The following DYM variants were observed in gnomAD, a reference collection of about 807,000 sequenced individuals.
DYM encodes the protein dymeclin.
A neutral mutation model predicts 93.1 loss-of-function variants in DYM; 78 were observed. The observed-to-expected ratio is 0.84, with a 90% CI of 0.70 to 1.01. The LOEUF is 1.01. DYM is among the 50% of genes least tolerant of loss of function. DYM has a pLI of 0.00. For synonymous variants in DYM, 321 were observed against 319.7 expected, an observed-to-expected ratio of 1.00 and a Z score of -0.04; for missense variants, 789 against 845.0, an observed-to-expected ratio of 0.93 and a Z score of 0.82.
chr18:49,084,998 T>C (rs1485841033), intron 17 of DYM, among the ~76,000 whole-genome samples: 1 of 152,258 alleles, frequency 6.6e-6, no homozygotes, highest in African/African-American at 2.4e-5. Flanking sequence ...ATTATATGGA[T>C]ACTCACTTTC....
At chr18:49,108,025 A>AG (rs1439362986) in intron 16 of DYM, among the ~76,000 whole-genome samples, 1 of 152,266 alleles carries the variant, frequency 6.6e-6, no homozygotes, top group Non-Finnish European at 1.5e-5. Flanking sequence ...AGAGGCAGGC[A>AG]GGCCTCCTTG....
At chr18:49,183,530 T>A (rs1273871859) in intron 14 of DYM, among the ~76,000 whole-genome samples, 1 of 152,146 alleles carries the variant, frequency 6.6e-6, no homozygotes, top group African/African-American at 2.4e-5. Context: ...GATTCACCCT[T>A]CAAAATGTAG....
At chr18:49,274,872 T>C (rs181367942) in intron 10 of DYM, among the ~76,000 whole-genome samples, 13 of 152,272 alleles carry the variant, frequency 8.5e-5, no homozygotes, top group African/African-American at 1.9e-4. Context: ...TTACATACTA[T>C]AGATACAGTT....
At chr18:49,309,127 G>A (rs1431709382) in intron 8 of DYM, among the ~76,000 whole-genome samples, 3 of 152,148 alleles carry the variant, frequency 2.0e-5, no homozygotes, top group Non-Finnish European at 4.4e-5. Context: ...TTCAAATCCA[G>A]TATAATTTAA....
At chr18:49,350,801 G>A (rs1377225394) in intron 6 of DYM, among the ~76,000 whole-genome samples, 1 of 150,806 alleles carries the variant, frequency 6.6e-6, no homozygotes, top group Non-Finnish European at 1.5e-5. Flanking sequence ...AGATTAGACA[G>A]TAAGGGTCCA....
intron 8 of DYM, among the ~76,000 whole-genome samples, chr18:49,288,846 A>G (rs1307066394): frequency 2.0e-5 from 3 of 152,172 alleles, no homozygotes; most frequent in African/African-American, 7.2e-5. Context: ...TCTAAAATTC[A>G]GTATAATAAC....
rs1170880185 is a variant in DYM at position 49,213,308 on chromosome 18, T to G, written c.1461-3593A>C. 5.9e-5 allele frequency among the ~76,000 whole-genome samples: 9 copies of G among 151,960 alleles called. No homozygotes were observed. In the South Asian group the frequency reaches 1.7e-3, roughly 28 times the overall value. Reference sequence around the variant, plus strand: ...GAACTTTTTCTAACTTTTTTTTTTTTTTTTTGGAGATGGAGTTTTGCCCTG... The same window carrying G: ...GAACTTTTTCTAACTTTTTTTTTTTGTTTTTGGAGATGGAGTTTTGCCCTG... On this transcript the variant is annotated intron_variant, in intron 13 of 17. Transcript: ENST00000675505.
chr18:49,303,538 GT>G (rs1341596054), intron 8 of DYM, among the ~76,000 whole-genome samples: 1 of 152,286 alleles, frequency 6.6e-6, no homozygotes, highest in East Asian at 1.9e-4. Context: ...AGGCATTTCA[GT>G]GTATGGAATG....
chr18:49,251,219 G>A (rs2094280092), intron 13 of DYM, among the ~76,000 whole-genome samples: 1 of 152,224 alleles, frequency 6.6e-6, no homozygotes, highest in African/African-American at 2.4e-5. Flanking sequence ...TGCTTTTCCA[G>A]TGAATACAGC....
intron 15 of DYM, among the ~76,000 whole-genome samples, chr18:49,153,920 A>G (rs2086098140): frequency 6.6e-6 from 1 of 152,212 alleles, no homozygotes; most frequent in Non-Finnish European, 1.5e-5. Flanking sequence ...AAAGAGAAAA[A>G]TAACAAATTT....
At chr18:49,308,787 A>C (rs1429658853) in intron 8 of DYM, among the ~76,000 whole-genome samples, 14 of 152,128 alleles carry the variant, frequency 9.2e-5, no homozygotes, top group Non-Finnish European at 1.6e-4. Flanking sequence ...TGGCAGATGC[A>C]ACTATGGGTC....
At chr18:49,264,192 C>T (rs1004510036) in intron 11 of DYM, among the ~76,000 whole-genome samples, 1 of 151,156 alleles carries the variant, frequency 6.6e-6, no homozygotes, top group Non-Finnish European at 1.5e-5. Flanking sequence ...ACGTAATCTG[C>T]TCTCCCATTA....
At chr18:49,260,436 T>C (rs1326062694) in intron 11 of DYM, among the ~76,000 whole-genome samples, 32 of 152,086 alleles carry the variant, frequency 2.1e-4, no homozygotes, top group Non-Finnish European at 1.2e-4. Context: ...ACAGAAACTA[T>C]AAGAGAAAAG....
At chr18:49,231,067 A>C (rs1024008432) in intron 13 of DYM, among the ~76,000 whole-genome samples, 1 of 152,234 alleles carries the variant, frequency 6.6e-6, no homozygotes, top group African/African-American at 2.4e-5. Flanking sequence ...AGATAGATAT[A>C]TTAGCTTAGA....
At chr18:49,176,950 C>G (rs943165903) in intron 14 of DYM, among the ~76,000 whole-genome samples, 12 of 151,930 alleles carry the variant, frequency 7.9e-5, no homozygotes, top group African/African-American at 2.9e-4. Context: ...GGTATTTTCT[C>G]TATTAGAAAA....
chr18:49,238,594 TA>T (rs1446114955), intron 13 of DYM, among the ~76,000 whole-genome samples: 1 of 151,900 alleles, frequency 6.6e-6, no homozygotes, highest in Non-Finnish European at 1.5e-5. Flanking sequence ...AATGTTTGCT[TA>T]AAAAAATGAG....
At chr18:49,287,412 A>G (rs951023176) in intron 8 of DYM, among the ~76,000 whole-genome samples, 2 of 151,570 alleles carry the variant, frequency 1.3e-5, no homozygotes, top group African/African-American at 4.8e-5. Context: ...AAGGGAAGGA[A>G]ACCTCTAGCC....
At chr18:49,178,730 T>C (rs112642385) in intron 14 of DYM, among the ~76,000 whole-genome samples, 15 of 152,240 alleles carry the variant, frequency 9.9e-5, no homozygotes, top group African/African-American at 3.4e-4. Flanking sequence ...GGATTAAATG[T>C]ACTTTTGGAA....
chr18:49,038,232 A>G lies in DYM; in HGVS notation c.*5823T>C, dbSNP rs1477493249. ...TACATCCGTTTGGTTTGCTCATTTC[A>G]TTGCTTAAATCTTTTATAACTTGAT... On this transcript the variant is annotated 3_prime_UTR_variant, in exon 18 of 18. Coordinates refer to ENST00000675505, the MANE Select transcript of DYM (RefSeq NM_001353214.3). Among the ~76,000 whole-genome samples the G allele has an allele frequency of 1.3e-5, 2 of 152,116 alleles. No homozygotes were observed. Among genetic ancestry groups the G allele is most frequent in the African/African-American group, 4.8e-5 (2 of 41,398 alleles).
Sources: gnomAD v4.1 joint callset for allele counts (sites outside exome capture counted in the v4.1 genomes callset) on GRCh38, gnomAD v4.1.1 for gene constraint, MANE v1.5 for transcripts, NCBI Gene and HGNC (gene_info 2026-07-23, HGNC 2026-07-21) for gene names.